Variants in SOBP observed in about 807,000 individuals in gnomAD.
SOBP encodes sine oculis-binding protein homolog.
A neutral mutation model predicts 53.6 loss-of-function variants in SOBP; 4 were observed. The ratio of observed to expected loss-of-function variants is 0.07; its 90% CI spans 0.04 to 0.17. The LOEUF is 0.17. Among genes scored for constraint, SOBP ranks in the 10% least tolerant of loss-of-function variants. The pLI is 1.00. For missense variants in SOBP, 1,088 were observed against 1,204.7 expected, an observed-to-expected ratio of 0.90 and a Z score of 1.43; for synonymous variants, 584 against 522.6, an observed-to-expected ratio of 1.12 and a Z score of -1.60.
intron 6 of SOBP, among the ~76,000 whole-genome samples, chr6:107,641,784 G>T (rs528385294): frequency 6.6e-6 from 1 of 152,330 alleles, no homozygotes; most frequent in Admixed American, 6.5e-5. Flanking sequence ...CTGCAGAGGG[G>T]CAGAGATGTC....
chr6:107,591,134 A>G (rs766208003), intron 5 of SOBP, among the ~76,000 whole-genome samples: 1 of 152,196 alleles, frequency 6.6e-6, no homozygotes, highest in Non-Finnish European at 1.5e-5. Context: ...CTTAACATTT[A>G]TTGTAACGTA....
chr6:107,516,612 A>G (rs1046421478), intron 3 of SOBP, among the ~76,000 whole-genome samples: 8 of 152,200 alleles, frequency 5.3e-5, no homozygotes, highest in African/African-American at 1.9e-4. Flanking sequence ...GCTATTTTAT[A>G]TAGACCTCCC....
intron 6 of SOBP, among the ~76,000 whole-genome samples, chr6:107,643,493 T>C (rs575841112): frequency 6.6e-6 from 1 of 152,306 alleles, no homozygotes; most frequent in African/African-American, 2.4e-5. Context: ...CTCGGCCCAC[T>C]ATAACCTCTG....
intron 3 of SOBP, among the ~76,000 whole-genome samples, chr6:107,508,405 C>A (rs1005275420): frequency 6.6e-6 from 1 of 152,044 alleles, no homozygotes; most frequent in Non-Finnish European, 1.5e-5. Flanking sequence ...ATGGAGAAAC[C>A]CCGTCTCTAC....
chr6:107,528,823 G>T (rs1425312356), intron 3 of SOBP, among the ~76,000 whole-genome samples: 1 of 152,140 alleles, frequency 6.6e-6, no homozygotes, highest in Admixed American at 6.5e-5. Context: ...AAGGTGTAGT[G>T]GTCAAGAGCT....
At chr6:107,642,098 T>G (rs1406516698) in intron 6 of SOBP, among the ~76,000 whole-genome samples, 1 of 152,222 alleles carries the variant, frequency 6.6e-6, no homozygotes, top group Non-Finnish European at 1.5e-5. Flanking sequence ...AAGAAAGAAA[T>G]TAGCTTTAGA....
At chr6:107,523,128 G>A (rs906325036) in intron 3 of SOBP, among the ~76,000 whole-genome samples, 8 of 152,168 alleles carry the variant, frequency 5.3e-5, no homozygotes, top group Non-Finnish European at 1.2e-4. Flanking sequence ...GTCGTATTAT[G>A]GATGATAACT....
chr6:107,635,530 A>G lies in SOBP; in HGVS notation c.*3+61A>G. 6.3e-7 allele frequency: 1 copy of G among 1,595,646 alleles called. No individual in the cohort carries two copies. On this transcript the variant is annotated intron_variant, in intron 6 of 6. Coordinates refer to ENST00000317357, the MANE Select transcript of SOBP (RefSeq NM_018013.4). The surrounding 1 kb of genome is among the most constrained non-coding windows in gnomAD (Gnocchi z 4.5). The stretch of plus-strand genomic sequence containing the variant: ...CAGTGCACCTCTCCTTACTTCTGAC[A>G]AGGCAGAGGGGAGAGTTGTAATTAT...
chr6:107,528,866 TA>T (rs1467996684), intron 3 of SOBP, among the ~76,000 whole-genome samples: 1 of 152,234 alleles, frequency 6.6e-6, no homozygotes, highest in Non-Finnish European at 1.5e-5. Flanking sequence ...TGGTCCTCAG[TA>T]AGGCTCTGAT....
chr6:107,592,241 C>T lies in SOBP; in HGVS notation c.669+5066C>T, dbSNP rs79548294. Among the ~76,000 whole-genome samples the T allele has an allele frequency of 8.8e-3, 1,343 of 152,276 alleles. 8 individuals carry two copies. Among genetic ancestry groups the T allele is most frequent in the Non-Finnish European group, 0.015 (991 of 68,032 alleles). ...TTGAACTTTATTTACTCTCAGGCCCCTGGTTCTAAGTGTATTCATTTAAAA... is the reference window on the plus strand; with the variant it reads ...TTGAACTTTATTTACTCTCAGGCCCTTGGTTCTAAGTGTATTCATTTAAAA... On this transcript the variant is annotated intron_variant, in intron 5 of 6. Coordinates refer to ENST00000317357, the MANE Select transcript of SOBP (RefSeq NM_018013.4).
At chr6:107,500,756 A>G (rs931098494) in intron 1 of SOBP, among the ~76,000 whole-genome samples, 1 of 152,026 alleles carries the variant, frequency 6.6e-6, no homozygotes, top group Non-Finnish European at 1.5e-5. Flanking sequence ...CGATCTCCTG[A>G]CCTTGTGATC....
intron 5 of SOBP, among the ~76,000 whole-genome samples, chr6:107,613,750 A>G (rs1405533125): frequency 6.6e-6 from 1 of 152,264 alleles, no homozygotes; most frequent in Non-Finnish European, 1.5e-5. Context: ...CAGGATTAGA[A>G]TCCAGGTCTA....
chr6:107,490,583 C>T lies in SOBP; in HGVS notation c.-34C>T. The T allele has an allele frequency of 6.5e-7, 1 of 1,532,818 alleles. No homozygotes were observed. Among genetic ancestry groups the T allele is most frequent in the South Asian group, 1.2e-5 (1 of 85,772 alleles). The allele number at this position is 1,532,818 out of a possible 1,614,324, so 95.0% of individuals were successfully genotyped here. A position where few individuals can be genotyped will look rare whatever the true frequency, so the allele number is the denominator to read the frequency against. On this transcript the variant is annotated 5_prime_UTR_variant, in exon 1 of 7. Transcript: ENST00000317357. ...CCACCACCGCCGGCGGCGGCAGCAG[C>T]CATTTCATCTCCACAGAAACCAGAC...
At chr6:107,558,200 T>C (rs960703102) in intron 4 of SOBP, 5 of 152,176 alleles carry the variant, frequency 3.3e-5, no homozygotes, top group Non-Finnish European at 5.9e-5. Context: ...AGAAATCAAC[T>C]TCAGATGAGA....
chr6:107,503,823 A>T (rs1426900472), intron 2 of SOBP, 28 bp downstream of exon 2: 2 of 1,612,642 alleles, frequency 1.2e-6, no homozygotes, highest in South Asian at 1.1e-5. Context: ...CCTTTTGTTC[A>T]TGCAAAGAAG....
chr6:107,551,185 G>A (rs9480782), intron 4 of SOBP, among the ~76,000 whole-genome samples: 1 of 152,150 alleles, frequency 6.6e-6, no homozygotes, highest in African/African-American at 2.4e-5. Flanking sequence ...GTGGCGGGGG[G>A]TGGTTACCAC....
intron 4 of SOBP, among the ~76,000 whole-genome samples, chr6:107,582,260 G>C (rs772564370): frequency 6.6e-6 from 1 of 152,124 alleles, no homozygotes; most frequent in Non-Finnish European, 1.5e-5. Flanking sequence ...CATGCACATG[G>C]CACCAAGACT....
intron 5 of SOBP, among the ~76,000 whole-genome samples, chr6:107,624,056 A>G (rs932087960): frequency 6.6e-6 from 1 of 152,238 alleles, no homozygotes; most frequent in South Asian, 2.1e-4. Context: ...GAGTCAATAA[A>G]TGTTTGTTTT....
Position 107,554,164 on chromosome 6 carries a change from T to C in SOBP, c.573+20554T>C, listed in dbSNP as rs201719865. ...TTTGAGTAACCCTCCAGTAATAAAC[T>C]TTACAGTATTAGGGAAAAGGGCATT... is the stretch of plus-strand genomic sequence containing the variant. On this transcript the variant is annotated intron_variant, in intron 4 of 6. Coordinates refer to ENST00000317357, the MANE Select transcript of SOBP (RefSeq NM_018013.4). Among the ~76,000 whole-genome samples the C allele has an allele frequency of 5.3e-5, 8 of 152,200 alleles. No homozygotes were observed. The East Asian group carries it at 1.5e-3, about 29-fold the overall frequency.
Sources: allele counts gnomAD v4.1 joint callset (sites outside exome capture counted in the v4.1 genomes callset), GRCh38; gene constraint gnomAD v4.1.1; non-coding constraint Gnocchi (gnomAD v3.1); transcripts MANE v1.5; gene names NCBI Gene and HGNC (gene_info 2026-07-23, HGNC 2026-07-21).